The following TBC1D30 variants were observed in gnomAD, a reference collection of about 807,000 sequenced individuals.
The protein encoded by TBC1D30 is TBC1 domain family, member 30.
A neutral mutation model predicts 63.2 loss-of-function variants in TBC1D30; 31 were observed. The observed-to-expected ratio is 0.49, with a 90% CI of 0.37 to 0.66. The LOEUF (loss-of-function observed/expected upper bound fraction) is 0.66. Among genes scored for constraint, TBC1D30 ranks in the 30% least tolerant of loss-of-function variants. The probability of loss-of-function intolerance (pLI) is 0.00; values close to 1 mark genes in which losing one functional copy is unlikely to be tolerated. For missense variants in TBC1D30, 810 were observed against 953.6 expected, an observed-to-expected ratio of 0.85 and a Z score of 1.98; for synonymous variants, 307 against 361.5, an observed-to-expected ratio of 0.85 and a Z score of 1.71.
intron 2 of TBC1D30, 139 bp downstream of exon 2, chr12:64,828,035 CT>C: frequency 1.5e-6 from 1 of 686,684 alleles, no homozygotes; most frequent in Non-Finnish European, 2.4e-6. Context: ...GTTAAAGTAG[CT>C]TTTGAGCTAC....
chr12:64,767,040 A>G (rs569728829), intron 1 of TBC1D30, among the ~76,000 whole-genome samples: 31 of 152,262 alleles, frequency 2.0e-4, no homozygotes, highest in Admixed American at 2.0e-3. Flanking sequence ...GGATACAACT[A>G]ACATAGAGCT....
At chr12:64,777,755 T>C (rs773369685), upstream of TBC1D30, among the ~76,000 whole-genome samples, 38 of 152,156 alleles carry the variant, frequency 2.5e-4, 1 homozygote, top group Non-Finnish European at 2.2e-4. Flanking sequence ...TAGAAAAAAC[T>C]ATTTTAAAAT....
intron 3 of TBC1D30, among the ~76,000 whole-genome samples, chr12:64,830,162 A>C (rs1244992812): frequency 6.6e-6 from 1 of 152,212 alleles, no homozygotes; most frequent in Admixed American, 6.5e-5. Flanking sequence ...GAACTCAACA[A>C]ATATTTATTG....
chr12:64,809,031 T>C (rs1411431707), intron 2 of TBC1D30, among the ~76,000 whole-genome samples: 3 of 152,230 alleles, frequency 2.0e-5, no homozygotes, highest in Non-Finnish European at 4.4e-5. Context: ...TTTTAAAACA[T>C]GGCAAGTCTG....
chr12:64,818,888 G>A (rs1217051603), intron 2 of TBC1D30: 1 of 152,104 alleles, frequency 6.6e-6, no homozygotes, highest in Non-Finnish European at 1.5e-5. Context: ...GTCTTTATAT[G>A]GTCAATATCA....
intron 5 of TBC1D30, among the ~76,000 whole-genome samples, chr12:64,833,335 C>T (rs989232907): frequency 6.6e-6 from 1 of 152,136 alleles, no homozygotes; most frequent in Non-Finnish European, 1.5e-5. Context: ...GCTTAGTTTG[C>T]ATGTGTGTCA....
chr12:64,787,966 G>A (rs1048388242), intron 2 of TBC1D30, among the ~76,000 whole-genome samples: 30 of 152,224 alleles, frequency 2.0e-4, no homozygotes, highest in Admixed American at 6.5e-4. Context: ...CCCAGGAGGC[G>A]GGGGTTGCAG....
rs368249412 is a variant in TBC1D30, at chr12:64,826,794, C to G, written c.155-1041C>G. On this transcript the variant is annotated intron_variant, in intron 1 of 11. Transcript: ENST00000539867. ...CTCTGCCACAGCTTACTTTGGAAAC[C>G]TAGGACCCAACTCAGGAATTTACAG... is the stretch of plus-strand genomic sequence containing the variant. Among the ~76,000 whole-genome samples the G allele has an allele frequency of 2.1e-4, 32 of 152,240 alleles. No homozygotes were observed. In the East Asian group the frequency reaches 3.3e-3, roughly 16 times the overall value.
chr12:64,825,930 G>T (rs1007358785), intron 1 of TBC1D30, among the ~76,000 whole-genome samples: 2 of 152,192 alleles, frequency 1.3e-5, no homozygotes, highest in African/African-American at 4.8e-5. Flanking sequence ...CTGTAGAGCC[G>T]CAGGAGAATC....
chr12:64,791,686 GTGTGTGTGTGTT>G (rs1871932124), intron 2 of TBC1D30, among the ~76,000 whole-genome samples: 6 of 151,238 alleles, frequency 4.0e-5, no homozygotes, highest in Admixed American at 3.3e-4. Context: ...TAATTTGTGT[GTGTGTGTGTGTT>G]TGTGTGTGTG....
At chr12:64,767,380 A>G (rs1349050831) in intron 1 of TBC1D30, among the ~76,000 whole-genome samples, 2 of 152,130 alleles carry the variant, frequency 1.3e-5, no homozygotes, top group African/African-American at 4.8e-5. Context: ...ATAGCCTACC[A>G]CAAGCTCAAC....
At chr12:64,834,786 C>G (rs1023871834) in intron 5 of TBC1D30, among the ~76,000 whole-genome samples, 17 of 141,412 alleles carry the variant, frequency 1.2e-4, no homozygotes. Flanking sequence ...TGAGCTGGCT[C>G]TATGTCTTCA....
At chr12:64,813,290 T>C (rs1873325207) in intron 2 of TBC1D30, among the ~76,000 whole-genome samples, 1 of 151,810 alleles carries the variant, frequency 6.6e-6, no homozygotes, top group Non-Finnish European at 1.5e-5. Flanking sequence ...CTCGGGAGGG[T>C]GAGGCAGGAG....
upstream of TBC1D30, among the ~76,000 whole-genome samples, chr12:64,780,291 G>C (rs914329153): frequency 1.3e-5 from 2 of 152,216 alleles, no homozygotes; most frequent in African/African-American, 4.8e-5. Flanking sequence ...AGAAGGGCTG[G>C]TATTGTGTTC....
intron 8 of TBC1D30, 22 bp downstream of exon 8, chr12:64,843,507 G>C: frequency 6.5e-7 from 1 of 1,529,974 alleles, no homozygotes; most frequent in Non-Finnish European, 8.8e-7. Context: ...ACATGGAGCA[G>C]CTTGGCTCGG....
At chr12:64,870,525 T>G in intron 10 of TBC1D30, 77 bp from the exon 11 acceptor site, 1 of 1,170,256 alleles carries the variant, frequency 8.5e-7, no homozygotes, top group South Asian at 1.3e-5. Context: ...CCGCACTGAG[T>G]TGTAGTGTTA....
At chr12:64,778,877 A>G (rs1871154022), upstream of TBC1D30, among the ~76,000 whole-genome samples, 2 of 152,058 alleles carry the variant, frequency 1.3e-5, no homozygotes, top group African/African-American at 2.4e-5. Context: ...GAGTCATGCC[A>G]ATATCTAGGG....
intron 6 of TBC1D30, 150 bp from the exon 7 acceptor site, chr12:64,838,532 AG>A: frequency 1.3e-6 from 1 of 776,128 alleles, no homozygotes; most frequent in Non-Finnish European, 2.0e-6. Context: ...GAAACATGGC[AG>A]AAAAAAGAAA....
intron 8 of TBC1D30, among the ~76,000 whole-genome samples, chr12:64,854,662 T>A (rs1877153430): frequency 6.6e-6 from 1 of 152,016 alleles, no homozygotes; most frequent in South Asian, 2.1e-4. Flanking sequence ...ACCCAACTAA[T>A]TTTTTTGTAT....
Sources: allele counts gnomAD v4.1 joint callset (sites outside exome capture counted in the v4.1 genomes callset), GRCh38; gene constraint gnomAD v4.1.1; transcripts MANE v1.5; gene names NCBI Gene and HGNC (gene_info 2026-07-23, HGNC 2026-07-21).